Variants in FRMD4B observed in about 807,000 individuals in gnomAD.
FRMD4B encodes FERM domain containing 4B.
A neutral mutation model predicts 141.5 loss-of-function variants in FRMD4B; 74 were observed. That is an observed-to-expected ratio of 0.52 (90% confidence interval 0.43 to 0.63). The LOEUF (loss-of-function observed/expected upper bound fraction) is 0.63. FRMD4B is among the 30% of genes least tolerant of loss of function. FRMD4B has a pLI of 0.00. For synonymous variants in FRMD4B, 506 were observed against 467.9 expected (o/e 1.08, Z -1.05); for missense variants, 1,366 against 1,253.4 (o/e 1.09, Z -1.36).
At chr3:69,476,046 A>G (rs1268766855) in intron 1 of FRMD4B, among the ~76,000 whole-genome samples, 1 of 150,622 alleles carries the variant, frequency 6.6e-6, no homozygotes, top group African/African-American at 2.5e-5. Flanking sequence ...CCACTTTTTG[A>G]TGGGGTTGTT....
chr3:69,504,705 A>G (rs1706566523), intron 1 of FRMD4B, among the ~76,000 whole-genome samples: 1 of 152,166 alleles, frequency 6.6e-6, no homozygotes, highest in Non-Finnish European at 1.5e-5. Flanking sequence ...TTATCCATTC[A>G]TCAGTAATGG....
chr3:69,246,493 AAG>A (rs2093426657), intron 7 of FRMD4B, among the ~76,000 whole-genome samples: 2 of 152,164 alleles, frequency 1.3e-5, no homozygotes, highest in South Asian at 4.1e-4. Context: ...AAGAAAAACA[AAG>A]AGGAGTTTTA....
intron 1 of FRMD4B, among the ~76,000 whole-genome samples, chr3:69,373,549 G>C (rs999873162): frequency 1.3e-5 from 2 of 152,152 alleles, no homozygotes; most frequent in African/African-American, 4.8e-5. Context: ...GCTCAGCACT[G>C]TGTCTGACAT....
At chr3:69,221,206 G>T (rs116071634) in intron 9 of FRMD4B, among the ~76,000 whole-genome samples, 5 of 151,896 alleles carry the variant, frequency 3.3e-5, no homozygotes, top group African/African-American at 1.2e-4. Context: ...CAAATGATCC[G>T]CCCTCCTCAG....
intron 1 of FRMD4B, among the ~76,000 whole-genome samples, chr3:69,485,647 GC>G (rs1205097980): frequency 6.6e-6 from 1 of 152,226 alleles, no homozygotes; most frequent in African/African-American, 2.4e-5. Context: ...ACCTGGCCCA[GC>G]CCCCTCACAG....
chr3:69,293,661 A>G (rs554826330), intron 4 of FRMD4B, among the ~76,000 whole-genome samples: 1 of 152,156 alleles, frequency 6.6e-6, no homozygotes, highest in East Asian at 2.0e-4. Context: ...CAGGCAGATC[A>G]CTTGAGGCCA....
chr3:69,410,154 A>C (rs1350447419), intron 2 of FRMD4B, among the ~76,000 whole-genome samples: 2 of 152,192 alleles, frequency 1.3e-5, no homozygotes, highest in Admixed American at 6.5e-5. Flanking sequence ...ACAAAGTAAC[A>C]AAGGTTAACT....
intron 1 of FRMD4B, among the ~76,000 whole-genome samples, chr3:69,335,026 G>C (rs1239074803): frequency 6.6e-6 from 1 of 152,190 alleles, no homozygotes; most frequent in Non-Finnish European, 1.5e-5. Flanking sequence ...GTTCATACCT[G>C]TAATCCCAGC....
At chr3:69,441,742 C>T (rs1254980982) in intron 1 of FRMD4B, among the ~76,000 whole-genome samples, 1 of 152,154 alleles carries the variant, frequency 6.6e-6, no homozygotes, top group African/African-American at 2.4e-5. Flanking sequence ...TGGATCTCCC[C>T]TAATGCCCCT....
At position 69,375,171 on chromosome 3, in the gene FRMD4B, C is replaced by T. The variant is rs528418998; in HGVS notation, c.162+10657G>A. Among the ~76,000 whole-genome samples the T allele has an allele frequency of 8.6e-5, 13 of 151,290 alleles. No homozygotes were observed. In the South Asian group the frequency reaches 2.7e-3, roughly 32 times the overall value. The stretch of plus-strand genomic sequence containing the variant: ...CCCATCTATCCATTCATCCACCCAC[C>T]CACCCACTTACCTGTCCACCCATCC... On this transcript the variant is annotated intron_variant, in intron 1 of 22. Transcript: ENST00000398540.
At chr3:69,335,528 T>C (rs903688606) in intron 1 of FRMD4B, among the ~76,000 whole-genome samples, 2 of 151,824 alleles carry the variant, frequency 1.3e-5, no homozygotes, top group African/African-American at 2.4e-5. Flanking sequence ...CGCACCACCA[T>C]GCCTGGCTAA....
chr3:69,210,882 G>T (rs531678320), intron 11 of FRMD4B, among the ~76,000 whole-genome samples: 1 of 151,970 alleles, frequency 6.6e-6, no homozygotes, highest in African/African-American at 2.4e-5. Context: ...GCATGGTGGC[G>T]CATGCCTGTA....
chr3:69,447,660 C>T (rs534054732), intron 1 of FRMD4B, among the ~76,000 whole-genome samples: 10 of 152,230 alleles, frequency 6.6e-5, no homozygotes, highest in South Asian at 4.1e-4. Flanking sequence ...TTTTTCTCTC[C>T]GAAGAAGTTC....
rs144863581 is a variant in FRMD4B at position 69,247,937 on chromosome 3, C to T, written c.581+1289G>A. On this transcript the variant is annotated intron_variant, in intron 7 of 22. Coordinates refer to ENST00000398540, the MANE Select transcript of FRMD4B (RefSeq NM_015123.3). ...GTGCTGGGATTACAGGCGTGAGCCACCGTGCCCGGCCACCCAGCTAATTTT... is the reference window on the plus strand; with the variant it reads ...GTGCTGGGATTACAGGCGTGAGCCATCGTGCCCGGCCACCCAGCTAATTTT... Among the ~76,000 whole-genome samples the T allele has an allele frequency of 6.6e-3, 1,002 of 152,262 alleles. 15 individuals are homozygous for T. The highest frequency in any genetic ancestry group is 0.023 in the African/African-American group (963 of 41,566).
intron 1 of FRMD4B, among the ~76,000 whole-genome samples, chr3:69,360,092 G>T (rs1703431645): frequency 6.6e-6 from 1 of 151,864 alleles, no homozygotes; most frequent in African/African-American, 2.4e-5. Context: ...CTGGAGTTTT[G>T]TTTTCCCCTT....
chr3:69,538,740 A>C (rs1701120935), intron 1 of FRMD4B, among the ~76,000 whole-genome samples: 1 of 152,212 alleles, frequency 6.6e-6, no homozygotes, highest in East Asian at 1.9e-4. Context: ...AATTACCTAG[A>C]GGGTTTATCA....
At chr3:69,243,595 C>A (rs57600575) in intron 7 of FRMD4B, among the ~76,000 whole-genome samples, 1 of 152,102 alleles carries the variant, frequency 6.6e-6, no homozygotes, top group Admixed American at 6.6e-5. Context: ...CTGGAAGTTA[C>A]GCACAGGCAG....
At chr3:69,531,972 C>T (rs559879188) in intron 1 of FRMD4B, among the ~76,000 whole-genome samples, 2 of 152,288 alleles carry the variant, frequency 1.3e-5, no homozygotes, top group East Asian at 3.9e-4. Context: ...CACTACACTA[C>T]TTTTTTTCTC....
In FRMD4B at chr3:69,176,577, A is replaced by G; in HGVS notation, c.2931T>C (p.Ser977=). Residue 977 remains serine, a synonymous_variant, in exon 22 of 23, where the codon TCT becomes TCC. Transcript: ENST00000398540. ...GLSDYETPAH[S]SYTSCYGNVY... ...CATTGCCATAGCAGCTGGTGTAAGA[A>G]GAATGTGCTGGAGTCTCGTAATCCG... The G allele has an allele frequency of 6.2e-7, 1 of 1,611,220 alleles. No homozygotes were observed. Among genetic ancestry groups the G allele is most frequent in the Non-Finnish European group, 8.5e-7 (1 of 1,177,326 alleles).
Sources: gnomAD v4.1 joint callset for allele counts (sites outside exome capture counted in the v4.1 genomes callset) on GRCh38, gnomAD v4.1.1 for gene constraint, MANE v1.5 for transcripts, NCBI Gene and HGNC (gene_info 2026-07-23, HGNC 2026-07-21) for gene names.